KCNMA1: variants seen among roughly 807,000 people sequenced by gnomAD.
KCNMA1 encodes the protein potassium calcium-activated channel subfamily M alpha 1.
KCNMA1 carries 29 observed loss-of-function variants against 140.0 expected under a neutral mutation model. That is an observed-to-expected ratio of 0.21 (90% CI 0.15 to 0.28). KCNMA1 has a LOEUF of 0.28. Among genes scored for constraint, KCNMA1 ranks in the 10% least tolerant of loss-of-function variants. The pLI is 1.00. For synonymous variants in KCNMA1, 612 were observed against 611.9 expected (o/e 1.00, Z 0.00); for missense variants, 880 against 1,602.2 (o/e 0.55, Z 7.70).
chr10:76,912,511 T>G (rs1211233557), intron 24 of KCNMA1: 1 of 152,158 alleles, frequency 6.6e-6, no homozygotes, highest in Non-Finnish European at 1.5e-5. Flanking sequence ...GTATAGTGGC[T>G]AGAGAAATAG....
At chr10:77,087,459 T>C (rs2096718489) in intron 10 of KCNMA1, among the ~76,000 whole-genome samples, 1 of 152,206 alleles carries the variant, frequency 6.6e-6, no homozygotes, top group South Asian at 2.1e-4. Flanking sequence ...TAGCCGAAGG[T>C]TCCCCTGGGA....
chr10:77,520,057 C>T (rs1432125450), intron 1 of KCNMA1, among the ~76,000 whole-genome samples: 4 of 119,774 alleles, frequency 3.3e-5, no homozygotes, highest in African/African-American at 1.3e-4. Flanking sequence ...TGAGGGTGTG[C>T]AGTGTGAGGG....
chr10:77,539,787 C>T (rs2059758350), intron 1 of KCNMA1, among the ~76,000 whole-genome samples: 1 of 152,202 alleles, frequency 6.6e-6, no homozygotes, highest in South Asian at 2.1e-4. Context: ...GCAAAACTTG[C>T]TGCCAGCCCA....
intron 1 of KCNMA1, among the ~76,000 whole-genome samples, chr10:77,604,511 C>T (rs1271236113): frequency 2.0e-5 from 3 of 151,852 alleles, no homozygotes; most frequent in Admixed American, 1.3e-4. Context: ...TCAAGACCAG[C>T]CTGGGCAACA....
intron 6 of KCNMA1, among the ~76,000 whole-genome samples, chr10:77,120,224 C>A (rs996836915): frequency 1.3e-5 from 2 of 152,108 alleles, no homozygotes; most frequent in African/African-American, 2.4e-5. Context: ...GCACGTCTAA[C>A]CTCTTTTATT....
intron 9 of KCNMA1, among the ~76,000 whole-genome samples, chr10:77,094,594 T>C (rs2096884783): frequency 6.6e-6 from 1 of 152,214 alleles, no homozygotes. Context: ...GCAGAAATCA[T>C]AAGTTCCACC....
intron 25 of KCNMA1, among the ~76,000 whole-genome samples, chr10:76,906,038 A>G (rs892152705): frequency 6.6e-5 from 10 of 152,190 alleles, no homozygotes; most frequent in African/African-American, 2.2e-4. Context: ...TACTATTACT[A>G]TCTTCATTTT....
chr10:77,146,154 C>T (rs2154032621), intron 5 of KCNMA1, among the ~76,000 whole-genome samples: 1 of 152,276 alleles, frequency 6.6e-6, no homozygotes, highest in East Asian at 1.9e-4. Flanking sequence ...TTGTATTTAG[C>T]TAAGATAGGA....
At chr10:77,053,260 G>A (rs916161277) in intron 14 of KCNMA1, among the ~76,000 whole-genome samples, 3 of 152,174 alleles carry the variant, frequency 2.0e-5, no homozygotes, top group African/African-American at 7.2e-5. Flanking sequence ...TGTTCTCCTT[G>A]CAGTCAACAC....
In KCNMA1 at chr10:77,631,104, CCCAAAAAAAA is replaced by C. The variant is rs1348481041; in HGVS notation, c.378+6151_378+6160del. Among the ~76,000 whole-genome samples, 640 of 102,070 alleles carry C rather than the reference CCCAAAAAAAA, an allele frequency of 6.3e-3. 1 individual carries two copies. Among genetic ancestry groups the C allele is most frequent in the Middle Eastern group, 0.051 (8 of 158 alleles). The allele number at this position is 102,070 out of a possible 152,430, so 67.0% of individuals were successfully genotyped here. On this transcript the variant is annotated intron_variant, in intron 1 of 27. Transcript: ENST00000286628. ...CCTGGGCAACAGAGTGAGACCCTGT[CCCAAAAAAAA>C]AAAAAAAAAAAAAAAGTTTGAGAAG...
At chr10:77,413,337 A>G (rs2096662673) in intron 1 of KCNMA1, among the ~76,000 whole-genome samples, 1 of 151,966 alleles carries the variant, frequency 6.6e-6, no homozygotes, top group East Asian at 1.9e-4. Flanking sequence ...ACCAGCCCCG[A>G]ATGCTGGGGC....
chr10:77,486,549 A>G (rs2098463017), intron 1 of KCNMA1, among the ~76,000 whole-genome samples: 1 of 152,130 alleles, frequency 6.6e-6, no homozygotes, highest in Non-Finnish European at 1.5e-5. Flanking sequence ...ACCTCTCTTG[A>G]CCCTTTTCAA....
intron 5 of KCNMA1, among the ~76,000 whole-genome samples, chr10:77,162,679 G>A (rs890263430): frequency 2.0e-5 from 3 of 152,140 alleles, no homozygotes; most frequent in Non-Finnish European, 4.4e-5. Flanking sequence ...TCTCCAATGG[G>A]TAAAGAATGA....
intron 10 of KCNMA1, among the ~76,000 whole-genome samples, chr10:77,089,158 T>C (rs928236462): frequency 6.6e-6 from 1 of 152,174 alleles, no homozygotes; most frequent in African/African-American, 2.4e-5. Flanking sequence ...GAGAAATCAG[T>C]GCAGAAAAGA....
intron 9 of KCNMA1, among the ~76,000 whole-genome samples, chr10:77,098,890 A>G (rs1360914120): frequency 1.3e-5 from 2 of 151,840 alleles, no homozygotes; most frequent in Non-Finnish European, 2.9e-5. Context: ...ACCCCTCTGC[A>G]TCTTATTCAT....
intron 25 of KCNMA1, chr10:76,901,906 AT>A: frequency 6.6e-6 from 1 of 152,260 alleles, no homozygotes; most frequent in Non-Finnish European, 1.5e-5. Flanking sequence ...ATACCCCAAT[AT>A]TCGGATGCAG....
chr10:77,522,329 C>T (rs1420172538), intron 1 of KCNMA1, among the ~76,000 whole-genome samples: 3 of 152,110 alleles, frequency 2.0e-5, no homozygotes, highest in Non-Finnish European at 4.4e-5. Flanking sequence ...CTGAGATGTG[C>T]TTTCCCCCAG....
intron 23 of KCNMA1, among the ~76,000 whole-genome samples, chr10:76,917,126 T>C (rs978843299): frequency 2.0e-5 from 3 of 152,200 alleles, no homozygotes; most frequent in Non-Finnish European, 4.4e-5. Flanking sequence ...AGGGGAAAAC[T>C]AAACTGTTTT....
intron 21 of KCNMA1, among the ~76,000 whole-genome samples, chr10:76,951,241 C>T (rs940018023): frequency 1.3e-5 from 2 of 152,192 alleles, no homozygotes; most frequent in Non-Finnish European, 2.9e-5. Context: ...GCCACAGCTA[C>T]ATCACCCAGA....
Sources: gnomAD v4.1 joint callset for allele counts (sites outside exome capture counted in the v4.1 genomes callset) on GRCh38, gnomAD v4.1.1 for gene constraint, MANE v1.5 for transcripts, NCBI Gene and HGNC (gene_info 2026-07-23, HGNC 2026-07-21) for gene names.